The following VAV1 variants were observed in gnomAD, a reference collection of about 807,000 sequenced individuals.
VAV1 encodes vav guanine nucleotide exchange factor 1, also known as proto-oncogene vav.
A neutral mutation model predicts 128.1 loss-of-function variants in VAV1; 33 were observed. That is an observed-to-expected ratio of 0.26 (90% confidence interval 0.20 to 0.34). The LOEUF is 0.34. VAV1 is among the 10% of genes least tolerant of loss of function. The pLI is 1.00. For missense variants in VAV1, 715 were observed against 1,093.7 expected (o/e 0.65, Z 4.88); for synonymous variants, 394 against 409.8 (o/e 0.96, Z 0.47).
chr19:6,825,264 TG>T (rs1423914327), intron 7 of VAV1, 38 bp from the exon 8 acceptor site: 10 of 1,592,778 alleles, frequency 6.3e-6, no homozygotes, highest in Non-Finnish European at 8.6e-6. Flanking sequence ...CCCTGAGCCC[TG>T]GGCTCTGGTC....
intron 1 of VAV1, among the ~76,000 whole-genome samples, chr19:6,795,843 C>T (rs2144721452): frequency 6.6e-6 from 1 of 152,292 alleles, no homozygotes; most frequent in African/African-American, 2.4e-5. Context: ...GCCACCGCGC[C>T]CAGCTAATTT....
intron 1 of VAV1, among the ~76,000 whole-genome samples, chr19:6,818,797 C>G (rs1371691081): frequency 6.6e-6 from 1 of 152,048 alleles, no homozygotes; most frequent in Admixed American, 6.6e-5. Flanking sequence ...CTTAGAGGAA[C>G]CTACAAATAT....
intron 1 of VAV1, among the ~76,000 whole-genome samples, chr19:6,776,737 C>T (rs544166880): frequency 5.3e-5 from 8 of 151,968 alleles, no homozygotes; most frequent in South Asian, 2.1e-4. Context: ...TGGATCCATC[C>T]ATCCACTAAT....
chr19:6,789,070 G>A (rs1970956789), intron 1 of VAV1, among the ~76,000 whole-genome samples: 1 of 152,140 alleles, frequency 6.6e-6, no homozygotes, highest in Non-Finnish European at 1.5e-5. Flanking sequence ...TCCAGACATT[G>A]CCAAATGTCC....
chr19:6,821,927 G>GA (rs1555702546), intron 4 of VAV1, 68 bp downstream of exon 4: 59 of 1,594,468 alleles, frequency 3.7e-5, no homozygotes, highest in Non-Finnish European at 4.9e-5. Context: ...GGTGTGGGGG[G>GA]ACATGGCCTT....
At chr19:6,797,965 C>T (rs567361334) in intron 1 of VAV1, among the ~76,000 whole-genome samples, 89 of 151,542 alleles carry the variant, frequency 5.9e-4, no homozygotes, top group African/African-American at 2.0e-3. Flanking sequence ...GCTATATTGA[C>T]ATACAGTAAA....
At chr19:6,792,680 T>G (rs2144716072) in intron 1 of VAV1, among the ~76,000 whole-genome samples, 1 of 152,114 alleles carries the variant, frequency 6.6e-6, no homozygotes, top group African/African-American at 2.4e-5. Context: ...AGTGCTGGGA[T>G]TACAGGGCAT....
At position 6,814,082 on chromosome 19, in the gene VAV1, TAAATA is replaced by T. The variant is rs1169571381; in HGVS notation, c.205-6611_205-6607del. Among the ~76,000 whole-genome samples the T allele has an allele frequency of 4.6e-5, 7 of 152,098 alleles. No homozygotes were observed. In the South Asian group the frequency reaches 8.3e-4, roughly 18 times the overall value. On this transcript the variant is annotated intron_variant, in intron 1 of 26. Coordinates refer to ENST00000602142, the MANE Select transcript of VAV1 (RefSeq NM_005428.4). ...CTCTAAAAATAAATCAATGAATGAA[TAAATA>T]AAATAAAACAAAACACTGAGTCTTG...
intron 1 of VAV1, among the ~76,000 whole-genome samples, chr19:6,782,883 G>A (rs948938903): frequency 6.7e-6 from 1 of 148,248 alleles, no homozygotes; most frequent in Admixed American, 6.8e-5. Context: ...ATCCTGTCTC[G>A]GAAGAAAAAA....
At chr19:6,825,828 C>A (rs1971903964) in intron 8 of VAV1, among the ~76,000 whole-genome samples, 1 of 151,782 alleles carries the variant, frequency 6.6e-6, no homozygotes, top group Admixed American at 6.6e-5. Flanking sequence ...AGTTCAAGAC[C>A]AGGCTGGCCA....
intron 1 of VAV1, among the ~76,000 whole-genome samples, chr19:6,805,752 A>G (rs1017583439): frequency 6.6e-6 from 1 of 151,970 alleles, no homozygotes; most frequent in Admixed American, 6.6e-5. Context: ...ATATGTGTAT[A>G]TATATATGCA....
chr19:6,823,345 C>T (rs920588002), intron 6 of VAV1, among the ~76,000 whole-genome samples: 5 of 151,168 alleles, frequency 3.3e-5, no homozygotes, highest in African/African-American at 4.8e-5. Context: ...AGGCTGGTCT[C>T]GAACTCTGAC....
At chr19:6,780,118 T>TAAC (rs1555697916) in intron 1 of VAV1, among the ~76,000 whole-genome samples, 2 of 74,978 alleles carry the variant, frequency 2.7e-5, no homozygotes, top group East Asian at 8.1e-4. Flanking sequence ...CTTAAAATAA[T>TAAC]AATAATAATA....
At chr19:6,793,796 C>T (rs1568288068) in intron 1 of VAV1, among the ~76,000 whole-genome samples, 1 of 152,080 alleles carries the variant, frequency 6.6e-6, no homozygotes, top group African/African-American at 2.4e-5. Context: ...TCACACAGAA[C>T]CTCTCTGTGA....
intron 1 of VAV1, among the ~76,000 whole-genome samples, chr19:6,775,776 G>A (rs1389186056): frequency 6.6e-6 from 1 of 152,112 alleles, no homozygotes; most frequent in Non-Finnish European, 1.5e-5. Flanking sequence ...GTTTCTGGGT[G>A]CCTAACTGTC....
chr19:6,828,618 C>T lies in VAV1; in HGVS notation c.1093-4C>T. On this transcript the variant is annotated splice_polypyrimidine_tract_variant and splice_region_variant and intron_variant, in intron 11 of 26. Transcript: ENST00000602142. The surrounding 1 kb of genome is among the most constrained non-coding windows in gnomAD (Gnocchi z 4.5). Reference sequence around the variant, plus strand: ...GGCCAGGTTCACCCCTGCCCCCTCCCCAGGACCTGGCTCAGTGCGTGAACG... The same window carrying T: ...GGCCAGGTTCACCCCTGCCCCCTCCTCAGGACCTGGCTCAGTGCGTGAACG... The T allele has an allele frequency of 1.2e-6, 2 of 1,613,974 alleles. No homozygotes were observed.
intron 22 of VAV1, among the ~76,000 whole-genome samples, chr19:6,846,917 GTTTT>G (rs533658535): frequency 7.4e-6 from 1 of 135,390 alleles, no homozygotes. Context: ...GTGGCTTTTT[GTTTT>G]TTTTTTTTTG....
chr19:6,804,720 ACCT>A (rs941056646), intron 1 of VAV1, among the ~76,000 whole-genome samples: 3 of 103,086 alleles, frequency 2.9e-5, no homozygotes, highest in Non-Finnish European at 5.9e-5. Context: ...CCCTTCCCAT[ACCT>A]CCTTTTTTTT....
Position 6,825,366 on chromosome 19 carries a change from G to T in VAV1, c.787G>T (p.Ala263Ser), listed in dbSNP as rs537876361. 1 of 1,613,814 alleles carries T rather than the reference G, an allele frequency of 6.2e-7. No individual in the cohort carries two copies. The highest frequency in any genetic ancestry group is 1.1e-5 in the South Asian group (1 of 91,070). ...GAAGGAAGCCCTGGGCACCCCTGGC[G>T]CAGCCAATCTCTACCAGGTCTTCAT... The part of the protein sequence containing the change: ...EMKEALGTPG[A>S]ANLYQVFIKY... Residue 263 changes from alanine to serine, a missense_variant, in exon 8 of 27, where the codon GCA becomes TCA. Physicochemically the swap from Ala to Ser is moderately conservative, Grantham distance 99 (BLOSUM62 1). Coordinates refer to ENST00000602142, the MANE Select transcript of VAV1 (RefSeq NM_005428.4).
Sources: allele counts gnomAD v4.1 joint callset (sites outside exome capture counted in the v4.1 genomes callset), GRCh38; gene constraint gnomAD v4.1.1; non-coding constraint Gnocchi (gnomAD v3.1); transcripts MANE v1.5; gene names NCBI Gene and HGNC (gene_info 2026-07-23, HGNC 2026-07-21).